ZNF618: variants seen among roughly 807,000 people sequenced by gnomAD.
ZNF618 encodes zinc finger protein 618.
ZNF618 carries 34 observed loss-of-function variants against 103.0 expected under a neutral mutation model. The observed-to-expected ratio is 0.33, with a 90% CI of 0.25 to 0.44. The LOEUF (loss-of-function observed/expected upper bound fraction) is 0.44. ZNF618 is among the 20% of genes least tolerant of loss of function. The probability of loss-of-function intolerance (pLI) is 1.00; values close to 1 mark genes in which losing one functional copy is unlikely to be tolerated. For missense variants in ZNF618, 1,059 were observed against 1,295.4 expected, an observed-to-expected ratio of 0.82 and a Z score of 2.80; for synonymous variants, 551 against 542.2, an observed-to-expected ratio of 1.02 and a Z score of -0.23.
chr9:114,007,408 C>G lies in ZNF618; in HGVS notation c.609C>G (p.Phe203Leu). Residue 203 changes from phenylalanine to leucine, a missense_variant, in exon 7 of 15, where the codon TTC becomes TTG. Phe to Leu is a conservative substitution (Grantham distance 22, BLOSUM62 0). This residue lies in a region of ZNF618 where 434 missense variants were observed against 476.0 expected (regional missense o/e 0.91). Transcript: ENST00000374126. ...CGKKYKYYSC[F>L]QEHRDLHAVD... The stretch of plus-strand genomic sequence containing the variant: ...AGAAGTACAAATACTACAGCTGTTT[C>G]CAAGAGCACCGAGACCTGCACGCAG... The G allele has an allele frequency of 3.1e-6, 5 of 1,610,410 alleles. No individual in the cohort carries two copies. Among genetic ancestry groups the G allele is most frequent in the Non-Finnish European group, 4.2e-6 (5 of 1,178,290 alleles).
At chr9:113,954,184 A>G (rs1408240740) in intron 1 of ZNF618, among the ~76,000 whole-genome samples, 1 of 152,116 alleles carries the variant, frequency 6.6e-6, no homozygotes, top group East Asian at 1.9e-4. Flanking sequence ...GAATGTGGAA[A>G]GTTCTAGGGC....
intron 1 of ZNF618, among the ~76,000 whole-genome samples, chr9:113,893,841 T>C (rs1385530149): frequency 6.6e-6 from 1 of 152,200 alleles, no homozygotes; most frequent in Non-Finnish European, 1.5e-5. Context: ...GGGTACATAT[T>C]AGTTTAACAC....
intron 1 of ZNF618, among the ~76,000 whole-genome samples, chr9:113,931,732 T>C (rs1158306515): frequency 1.3e-5 from 2 of 152,222 alleles, no homozygotes; most frequent in Admixed American, 6.5e-5. Flanking sequence ...TTGTAAAACA[T>C]CACTAATAAT....
At chr9:114,008,081 C>A (rs1455566823) in intron 7 of ZNF618, among the ~76,000 whole-genome samples, 1 of 152,240 alleles carries the variant, frequency 6.6e-6, no homozygotes, top group African/African-American at 2.4e-5. Flanking sequence ...TCCAGGCAAA[C>A]TGTCTGCCTG....
At chr9:114,008,241 G>T in intron 7 of ZNF618, 103 bp from the exon 8 acceptor site, 2 of 1,518,040 alleles carry the variant, frequency 1.3e-6, no homozygotes, top group Admixed American at 1.9e-5. Flanking sequence ...AACCCATGGG[G>T]ATAGGGGCTG....
At chr9:113,984,080 A>G (rs916636312) in intron 2 of ZNF618, among the ~76,000 whole-genome samples, 4 of 152,224 alleles carry the variant, frequency 2.6e-5, no homozygotes, top group African/African-American at 9.6e-5. Context: ...TCTTAGGACA[A>G]GTGCAGTTTG....
In ZNF618 at chr9:113,941,945, G is replaced by A. The variant is rs138203943; in HGVS notation, c.34-27172G>A. 6.1e-3 allele frequency among the ~76,000 whole-genome samples: 924 copies of A among 152,310 alleles called. 5 individuals carry two copies. The highest frequency in any genetic ancestry group is 0.014 in the Middle Eastern group (4 of 294). ...GATGCCAGGTGCAGCTGGACAGCTGGTCAACCCTCTCCAGACTCACTTTCC... is the reference window on the plus strand; with the variant it reads ...GATGCCAGGTGCAGCTGGACAGCTGATCAACCCTCTCCAGACTCACTTTCC... On this transcript the variant is annotated intron_variant, in intron 1 of 14. Coordinates refer to ENST00000374126, the MANE Select transcript of ZNF618 (RefSeq NM_001318042.2).
At chr9:113,943,341 G>A (rs539528301) in intron 1 of ZNF618, among the ~76,000 whole-genome samples, 2 of 152,290 alleles carry the variant, frequency 1.3e-5, no homozygotes, top group Non-Finnish European at 2.9e-5. Context: ...AGAGGCTCAA[G>A]GGGGAGAGAG....
intron 1 of ZNF618, among the ~76,000 whole-genome samples, chr9:113,883,695 A>G (rs1828740167): frequency 6.6e-6 from 1 of 152,114 alleles, no homozygotes; most frequent in Admixed American, 6.5e-5. Flanking sequence ...CTTTGTGGCC[A>G]ATTTCAGCAA....
rs375567656 is a variant in ZNF618, at chr9:114,047,922, C to G, written c.1276C>G (p.Gln426Glu). 477 of 1,603,228 alleles carry G rather than the reference C, an allele frequency of 3.0e-4. No homozygotes were observed. The highest frequency in any genetic ancestry group is 4.0e-4 in the Non-Finnish European group (465 of 1,175,084). ...CAATGAAAACAACATTGCCTCCAAC[C>G]AGTCCCGATCGCCACCTGCTGTTGT... ...ADNENNIASNQSRSPPAVVEE... is the reference protein window; with the variant it reads ...ADNENNIASNESRSPPAVVEE... The change falls in exon 14 of 15, where the codon CAG becomes GAG. Residue 426 changes from glutamine (Q) to glutamate (E), a missense_variant. Gln to Glu is a conservative substitution (Grantham distance 29, BLOSUM62 2). Coordinates refer to ENST00000374126, the MANE Select transcript of ZNF618 (RefSeq NM_001318042.2).
At chr9:114,030,223 C>G (rs1428752780) in intron 11 of ZNF618, among the ~76,000 whole-genome samples, 1 of 152,130 alleles carries the variant, frequency 6.6e-6, no homozygotes, top group Non-Finnish European at 1.5e-5. Flanking sequence ...GTTTATTGTG[C>G]TTAGATCTCC....
Position 113,988,516 on chromosome 9 carries a change from G to C in ZNF618, c.273G>C (p.Gly91=). ...AGAAGAAGGCGGTCAGCAAGGATGG[G>C]ACCAGCGACGTGCCTGCCGAGATCT... ...KEEKKAVSKD[G]TSDVPAEICV... Residue 91 remains glycine (G), a synonymous_variant, in exon 3 of 15, where the codon GGG becomes GGC. Coordinates refer to ENST00000374126, the MANE Select transcript of ZNF618 (RefSeq NM_001318042.2). 1 of 1,612,890 alleles carries C rather than the reference G, an allele frequency of 6.2e-7. No individual in the cohort carries two copies. Among genetic ancestry groups the C allele is most frequent in the Non-Finnish European group, 8.5e-7 (1 of 1,179,820 alleles).
chr9:113,929,018 T>A (rs1833342653), intron 1 of ZNF618, among the ~76,000 whole-genome samples: 1 of 152,158 alleles, frequency 6.6e-6, no homozygotes, highest in Non-Finnish European at 1.5e-5. Flanking sequence ...AACAGCACAC[T>A]CTATGCTATT....
At chr9:114,026,345 A>G (rs1353568229) in intron 10 of ZNF618, among the ~76,000 whole-genome samples, 1 of 152,194 alleles carries the variant, frequency 6.6e-6, no homozygotes, top group African/African-American at 2.4e-5. Flanking sequence ...CTATGATACC[A>G]TGTGCTTTAT....
Position 114,054,891 on chromosome 9 carries a change from A to T in ZNF618, c.*4724A>T, listed in dbSNP as rs191542447. The T allele has an allele frequency of 6.6e-6, 1 of 152,078 alleles. No homozygotes were observed. Among genetic ancestry groups the T allele is most frequent in the African/African-American group, 2.4e-5 (1 of 41,414 alleles). The allele number at this position is 152,078 out of a possible 1,614,324, so 9.4% of individuals were successfully genotyped here. On this transcript the variant is annotated 3_prime_UTR_variant, in exon 15 of 15. Transcript: ENST00000374126. ...CCCACTCCCACTTTAATGAGGGTGA[A>T]GATTGTCAGGTCACTGTTTGACATA...
chr9:114,031,250 C>G (rs1230661180), intron 11 of ZNF618, among the ~76,000 whole-genome samples: 1 of 152,180 alleles, frequency 6.6e-6, no homozygotes, highest in African/African-American at 2.4e-5. Context: ...ACCCCTTTCC[C>G]TAGACCGAGA....
intron 12 of ZNF618, among the ~76,000 whole-genome samples, chr9:114,034,616 G>A (rs1588419898): frequency 1.3e-5 from 2 of 152,182 alleles, no homozygotes; most frequent in Admixed American, 6.5e-5. Flanking sequence ...GTGGATTGCT[G>A]CCCTAGGTCC....
At chr9:113,955,514 A>T (rs1836196302) in intron 1 of ZNF618, among the ~76,000 whole-genome samples, 1 of 152,014 alleles carries the variant, frequency 6.6e-6, no homozygotes, top group African/African-American at 2.4e-5. Flanking sequence ...TTTTGAAAAA[A>T]ATTCATGCAG....
At chr9:113,895,508 T>C (rs1213729192) in intron 1 of ZNF618, among the ~76,000 whole-genome samples, 1 of 152,110 alleles carries the variant, frequency 6.6e-6, no homozygotes, top group Non-Finnish European at 1.5e-5. Flanking sequence ...GCAGTTTTAT[T>C]TTTAGTGTGC....
Sources: allele counts gnomAD v4.1 joint callset (sites outside exome capture counted in the v4.1 genomes callset), GRCh38; gene constraint gnomAD v4.1.1; regional missense constraint gnomAD v4.1.1; transcripts MANE v1.5; gene names NCBI Gene and HGNC (gene_info 2026-07-23, HGNC 2026-07-21).